The following SDK1 variants were observed in gnomAD, a reference collection of about 807,000 sequenced individuals.
SDK1 encodes sidekick cell adhesion molecule 1.
SDK1 carries 157 observed loss-of-function variants against 245.5 expected under a neutral mutation model. The observed-to-expected ratio is 0.64, with a 90% CI of 0.56 to 0.73. SDK1 has a LOEUF of 0.73. Among genes scored for constraint, SDK1 ranks in the 30% least tolerant of loss-of-function variants. The pLI is 0.00. For missense variants in SDK1, 3,583 were observed against 3,002.3 expected (o/e 1.19, Z -4.52); for synonymous variants, 1,647 against 1,278.5 (o/e 1.29, Z -6.15).
At chr7:3,794,265 C>T (rs985579815) in intron 4 of SDK1, among the ~76,000 whole-genome samples, 9 of 152,176 alleles carry the variant, frequency 5.9e-5, no homozygotes, top group African/African-American at 2.2e-4. Flanking sequence ...TCTCCTGTCC[C>T]TCAAGACACA....
intron 1 of SDK1, among the ~76,000 whole-genome samples, chr7:3,452,008 C>CATTA (rs1459530358): frequency 6.6e-6 from 1 of 152,132 alleles, no homozygotes; most frequent in African/African-American, 2.4e-5. Context: ...GTTCAGAACT[C>CATTA]ATTACAGTGA....
chr7:3,671,081 A>G (rs529628716), intron 4 of SDK1, among the ~76,000 whole-genome samples: 2 of 152,146 alleles, frequency 1.3e-5, no homozygotes, highest in East Asian at 1.9e-4. Context: ...GAGGACTGGG[A>G]CCTCAAGGCG....
chr7:3,408,519 C>A (rs933914898), intron 1 of SDK1, among the ~76,000 whole-genome samples: 1 of 152,124 alleles, frequency 6.6e-6, no homozygotes, highest in African/African-American at 2.4e-5. Context: ...ATACAGCATG[C>A]CATTTGACAA....
intron 22 of SDK1, among the ~76,000 whole-genome samples, chr7:4,092,291 C>T (rs1267207321): frequency 6.6e-6 from 1 of 152,182 alleles, no homozygotes; most frequent in Non-Finnish European, 1.5e-5. Context: ...TCTGTCCCAG[C>T]CTCCCTCTGT....
Position 3,465,238 on chromosome 7 carries a change from C to G in SDK1, c.299-153842C>G, listed in dbSNP as rs1468727446. On this transcript the variant is annotated intron_variant, in intron 1 of 44. Coordinates refer to ENST00000404826, the MANE Select transcript of SDK1 (RefSeq NM_152744.4). The stretch of plus-strand genomic sequence containing the variant: ...TCTGGATTCTGGGCTCAAGCAGAGG[C>G]CCTCCTGCCCAGTTGGCCAACTGCG... Among the ~76,000 whole-genome samples, 4 of 152,260 alleles carry G rather than the reference C, an allele frequency of 2.6e-5. No individual in the cohort carries two copies. The South Asian group carries it at 8.3e-4, about 32-fold the overall frequency.
intron 35 of SDK1, among the ~76,000 whole-genome samples, chr7:4,191,930 T>A (rs952587634): frequency 1.3e-5 from 2 of 152,142 alleles, no homozygotes; most frequent in African/African-American, 4.8e-5. Flanking sequence ...AACAGCAGAT[T>A]TGAAAGGGCT....
intron 4 of SDK1, among the ~76,000 whole-genome samples, chr7:3,647,173 C>T (rs916763827): frequency 6.6e-6 from 1 of 152,216 alleles, no homozygotes; most frequent in Non-Finnish European, 1.5e-5. Context: ...ATGGCTTGAG[C>T]CCAGTAGCTT....
chr7:3,653,867 T>C (rs2128656779), intron 4 of SDK1, among the ~76,000 whole-genome samples: 1 of 152,256 alleles, frequency 6.6e-6, no homozygotes, highest in South Asian at 2.1e-4. Flanking sequence ...CAGCTTCACT[T>C]ATGAAGCAGA....
Position 3,782,170 on chromosome 7 carries a change from G to T in SDK1, c.714-39280G>T, listed in dbSNP as rs11505320. On this transcript the variant is annotated intron_variant, in intron 4 of 44. Coordinates refer to ENST00000404826, the MANE Select transcript of SDK1 (RefSeq NM_152744.4). ...AGTACAGGAAGCATGGTGCCAGCATGTGCTTCTGGTGAGGGCCTCAGGAAG... is the reference window on the plus strand; with the variant it reads ...AGTACAGGAAGCATGGTGCCAGCATTTGCTTCTGGTGAGGGCCTCAGGAAG... 5.5e-3 allele frequency among the ~76,000 whole-genome samples: 845 copies of T among 152,342 alleles called. 9 individuals are homozygous for T. Among genetic ancestry groups the T allele is most frequent in the African/African-American group, 0.02 (812 of 41,580 alleles).
Position 3,376,780 on chromosome 7 carries a change from G to C in SDK1, c.298+74896G>C, listed in dbSNP as rs554414082. ...ATGCTAAGGTAATCGGACACACACA[G>C]AAAGATGTGTATACTGTTAAAAAAA... On this transcript the variant is annotated intron_variant, in intron 1 of 44. Transcript: ENST00000404826. Among the ~76,000 whole-genome samples, 16 of 152,148 alleles carry C rather than the reference G, an allele frequency of 1.1e-4. No homozygotes were observed. In the South Asian group the frequency reaches 1.2e-3, roughly 12 times the overall value.
intron 4 of SDK1, among the ~76,000 whole-genome samples, chr7:3,730,719 A>C (rs1779151307): frequency 6.6e-6 from 1 of 152,156 alleles, no homozygotes; most frequent in Admixed American, 6.5e-5. Context: ...CTTCCAGGAA[A>C]CTATCAAGAG....
chr7:3,619,091 C>G lies in SDK1; in HGVS notation c.310C>G (p.Pro104Ala). ...TTTTAATATTTCAGATGATGTTGCT[C>G]CATATTTTAAAACGGAGCCAGGCCT... The part of the protein sequence containing the change: ...LRALAQDDVA[P>A]YFKTEPGLPQ... Residue 104 changes from proline (P) to alanine (A), a missense_variant, in exon 2 of 45, where the codon CCA (proline) becomes GCA (alanine). Coordinates refer to ENST00000404826, the MANE Select transcript of SDK1 (RefSeq NM_152744.4). 2 of 1,599,212 alleles carry G rather than the reference C, an allele frequency of 1.3e-6. No individual in the cohort carries two copies. Among genetic ancestry groups the G allele is most frequent in the Non-Finnish European group, 1.7e-6 (2 of 1,170,104 alleles).
At chr7:3,826,074 C>A (rs1779767098) in intron 5 of SDK1, among the ~76,000 whole-genome samples, 1 of 152,172 alleles carries the variant, frequency 6.6e-6, no homozygotes, top group African/African-American at 2.4e-5. Flanking sequence ...TGCATCGAAC[C>A]TGCTGTACGG....
intron 1 of SDK1, among the ~76,000 whole-genome samples, chr7:3,370,459 G>A (rs1326929915): frequency 6.6e-6 from 1 of 152,186 alleles, no homozygotes; most frequent in East Asian, 1.9e-4. Context: ...ATGCACAGGA[G>A]CAGCCTGTAA....
At chr7:3,373,902 T>A (rs887611304) in intron 1 of SDK1, among the ~76,000 whole-genome samples, 4 of 152,116 alleles carry the variant, frequency 2.6e-5, no homozygotes, top group Admixed American at 1.3e-4. Context: ...GAAATAAACT[T>A]GATAAGTACA....
intron 1 of SDK1, among the ~76,000 whole-genome samples, chr7:3,486,084 T>C (rs527821820): frequency 3.3e-5 from 5 of 152,216 alleles, no homozygotes; most frequent in Admixed American, 6.5e-5. Flanking sequence ...TTAGTGCTTT[T>C]TTCCCCCCTG....
At chr7:3,331,271 A>T (rs1000762714) in intron 1 of SDK1, among the ~76,000 whole-genome samples, 1 of 152,186 alleles carries the variant, frequency 6.6e-6, no homozygotes, top group Non-Finnish European at 1.5e-5. Context: ...TGAAAAAAAG[A>T]AAACAAAAAA....
At chr7:3,630,859 G>T (rs948318817) in intron 2 of SDK1, among the ~76,000 whole-genome samples, 1 of 151,824 alleles carries the variant, frequency 6.6e-6, no homozygotes, top group African/African-American at 2.4e-5. Flanking sequence ...ATATTCTTTA[G>T]GCCCGAGACC....
At chr7:3,403,925 C>T (rs1206797194) in intron 1 of SDK1, among the ~76,000 whole-genome samples, 1 of 135,238 alleles carries the variant, frequency 7.4e-6, no homozygotes, top group Non-Finnish European at 1.6e-5. Flanking sequence ...TACAGGCATA[C>T]CTTGGAGATA....
Sources: gnomAD v4.1 joint callset for allele counts (sites outside exome capture counted in the v4.1 genomes callset) on GRCh38, gnomAD v4.1.1 for gene constraint, MANE v1.5 for transcripts, NCBI Gene and HGNC (gene_info 2026-07-23, HGNC 2026-07-21) for gene names.